The following PCDH15 variants were observed in gnomAD, a reference collection of about 807,000 sequenced individuals.
The protein encoded by PCDH15 is protocadherin-15.
A neutral mutation model predicts 178.5 loss-of-function variants in PCDH15; 129 were observed. The observed-to-expected ratio is 0.72, with a 90% CI of 0.63 to 0.84. The LOEUF (loss-of-function observed/expected upper bound fraction) is 0.84, where lower values mean the gene tolerates loss of function less well. Among genes scored for constraint, PCDH15 ranks in the 40% least tolerant of loss-of-function variants. The pLI, the probability that PCDH15 is intolerant of heterozygous loss-of-function variation, is 0.00. For synonymous variants in PCDH15, 800 were observed against 732.0 expected (o/e 1.09, Z -1.50); for missense variants, 2,230 against 2,099.9 (o/e 1.06, Z -1.21).
intron 1 of PCDH15, among the ~76,000 whole-genome samples, chr10:54,769,543 A>C (rs1191687926): frequency 6.6e-6 from 1 of 151,620 alleles, no homozygotes; most frequent in South Asian, 2.1e-4. Context: ...ATATTTTCTT[A>C]TGGGTGGGAT....
chr10:54,829,886 A>G (rs1591726626), intron 3 of PCDH15, among the ~76,000 whole-genome samples: 1 of 152,156 alleles, frequency 6.6e-6, no homozygotes, highest in Non-Finnish European at 1.5e-5. Flanking sequence ...GCACTATCAC[A>G]TCAATGAATG....
In PCDH15 at chr10:55,608,277, T is replaced by TAGGGA. The variant is rs138205539; in HGVS notation, c.-156+19343_-156+19347dup. ...GAGGATGGAAGAGACAGGGAAGAGA[T>TAGGGA]AGGGAAGGGAAGGGGAAGGGAAGCA... is the stretch of plus-strand genomic sequence containing the variant. On this transcript the variant is annotated intron_variant, in intron 2 of 5. Transcript: ENST00000613346. Among the ~76,000 whole-genome samples, 649 of 132,628 alleles carry TAGGGA rather than the reference T, an allele frequency of 4.9e-3. 4 individuals carry two copies. Among genetic ancestry groups the TAGGGA allele is most frequent in the African/African-American group, 0.018 (616 of 34,944 alleles). 87.0% of individuals were successfully genotyped at this position (132,628 alleles called of 152,430 possible). A position where few individuals can be genotyped will look rare whatever the true frequency, so the allele number is the denominator to read the frequency against.
intron 3 of PCDH15, among the ~76,000 whole-genome samples, chr10:54,450,000 C>A (rs1247174348): frequency 2.0e-5 from 3 of 151,512 alleles, no homozygotes; most frequent in African/African-American, 7.3e-5. Flanking sequence ...AAGCCTAGAT[C>A]CTCCCAAAGT....
intron 2 of PCDH15, among the ~76,000 whole-genome samples, chr10:54,548,590 A>T (rs2086153673): frequency 6.8e-6 from 1 of 146,236 alleles, no homozygotes; most frequent in African/African-American, 2.5e-5. Context: ...ATTATTGTAT[A>T]TATTTATATT....
intron 21 of PCDH15, among the ~76,000 whole-genome samples, chr10:53,976,537 A>G (rs2090196428): frequency 6.6e-6 from 1 of 152,130 alleles, no homozygotes; most frequent in Non-Finnish European, 1.5e-5. Context: ...TTCTGGTCTC[A>G]AATGACACAA....
At chr10:54,317,831 A>G (rs1413018904) in intron 7 of PCDH15, among the ~76,000 whole-genome samples, 1 of 152,150 alleles carries the variant, frequency 6.6e-6, no homozygotes. Flanking sequence ...ATTGAAAAAA[A>G]AAAGATTGGT....
intron 2 of PCDH15, among the ~76,000 whole-genome samples, chr10:54,930,815 T>C (rs1454476): frequency 0.13 from 20,480 of 152,188 alleles, 1,566 homozygotes; most frequent in East Asian, 0.23. Flanking sequence ...TTAATAGTTC[T>C]TGTTTGATTG....
At chr10:54,978,949 G>A (rs1839147853) in intron 2 of PCDH15, among the ~76,000 whole-genome samples, 1 of 152,082 alleles carries the variant, frequency 6.6e-6, no homozygotes, top group African/African-American at 2.4e-5. Context: ...AATTCAGAAT[G>A]AGTTAAAAGA....
intron 2 of PCDH15, among the ~76,000 whole-genome samples, chr10:55,576,091 C>A (rs1003599251): frequency 2.0e-5 from 3 of 152,126 alleles, no homozygotes; most frequent in Non-Finnish European, 2.9e-5. Context: ...GCCTATTGTG[C>A]AGTCCAAAAT....
chr10:53,941,939 T>C (rs2086107136), intron 23 of PCDH15, among the ~76,000 whole-genome samples: 1 of 152,202 alleles, frequency 6.6e-6, no homozygotes, highest in South Asian at 2.1e-4. Context: ...ATGTACACGG[T>C]AGTTCTTCCA....
rs955917287 is a variant in PCDH15 at position 55,446,712 on chromosome 10, G to C, written c.-156+180913C>G. Among the ~76,000 whole-genome samples, 6 of 152,188 alleles carry C rather than the reference G, an allele frequency of 3.9e-5. No individual in the cohort carries two copies. The East Asian group carries it at 1.2e-3, about 29-fold the overall frequency. ...CTAATATTAAGCCTGTGTCTTAAGA[G>C]GCTTTATTGTTTCCAGTTGCCCTAT... is the stretch of plus-strand genomic sequence containing the variant. On this transcript the variant is annotated intron_variant, in intron 2 of 5. Coordinates refer to the PCDH15 transcript ENST00000613346.
chr10:55,099,410 G>GA (rs1417634993), intron 2 of PCDH15, among the ~76,000 whole-genome samples: 9 of 151,884 alleles, frequency 5.9e-5, no homozygotes, highest in South Asian at 2.1e-4. Context: ...ATTACTAAAA[G>GA]AAAAAAATCT....
intron 5 of PCDH15, among the ~76,000 whole-genome samples, chr10:54,363,681 C>T (rs1946384595): frequency 6.6e-6 from 1 of 152,034 alleles, no homozygotes; most frequent in African/African-American, 2.4e-5. Context: ...GTTGACACTA[C>T]AAAATAACTA....
chr10:54,209,644 A>C (rs1391649504), intron 10 of PCDH15, among the ~76,000 whole-genome samples: 1 of 152,140 alleles, frequency 6.6e-6, no homozygotes, highest in Non-Finnish European at 1.5e-5. Context: ...TAATACTAGG[A>C]GTAGTTATCC....
At chr10:54,702,849 G>A (rs921726309) in intron 1 of PCDH15, among the ~76,000 whole-genome samples, 2 of 151,930 alleles carry the variant, frequency 1.3e-5, no homozygotes, top group African/African-American at 4.8e-5. Flanking sequence ...CCTCCTCACT[G>A]ATTCTATGAG....
intron 2 of PCDH15, among the ~76,000 whole-genome samples, chr10:54,997,882 G>A (rs546996445): frequency 6.6e-6 from 1 of 152,148 alleles, no homozygotes; most frequent in African/African-American, 2.4e-5. Context: ...TATTTTAGAC[G>A]CTCCTTTGAT....
At chr10:54,770,794 A>T (rs1949004338) in intron 1 of PCDH15, among the ~76,000 whole-genome samples, 1 of 151,976 alleles carries the variant, frequency 6.6e-6, no homozygotes, top group Admixed American at 6.6e-5. Context: ...AAATTACCCA[A>T]ATATATGCTC....
intron 2 of PCDH15, among the ~76,000 whole-genome samples, chr10:55,354,663 C>T (rs150632445): frequency 6.6e-6 from 1 of 152,124 alleles, no homozygotes; most frequent in East Asian, 1.9e-4. Flanking sequence ...GAAATTCAGA[C>T]AATTCATAAT....
rs536331848 is a variant in PCDH15 at position 54,774,852 on chromosome 10, T to C, written c.-29+26073A>G. On this transcript the variant is annotated intron_variant, in intron 1 of 37. Transcript: ENST00000644397. Reference sequence around the variant, plus strand: ...TGACATTTACTCCTTTTTTTCATATTAGTTTTATTTTTTATTAAATGTCCT... The same window carrying C: ...TGACATTTACTCCTTTTTTTCATATCAGTTTTATTTTTTATTAAATGTCCT... Among the ~76,000 whole-genome samples the C allele has an allele frequency of 4.9e-4, 75 of 152,280 alleles. No homozygotes were observed. The South Asian group carries it at 0.015, about 30-fold the overall frequency.
Sources: gnomAD v4.1 joint callset for allele counts (sites outside exome capture counted in the v4.1 genomes callset) on GRCh38, gnomAD v4.1.1 for gene constraint, MANE v1.5 for transcripts, NCBI Gene and HGNC (gene_info 2026-07-23, HGNC 2026-07-21) for gene names.